Variants in MACF1 observed in about 807,000 individuals in gnomAD.
MACF1 encodes the protein microtubule-actin cross-linking factor 1.
A neutral mutation model predicts 854.8 loss-of-function variants in MACF1; 193 were observed. That is an observed-to-expected ratio of 0.23 (90% CI 0.20 to 0.25). The LOEUF is 0.25. Among genes scored for constraint, MACF1 ranks in the 10% least tolerant of loss-of-function variants. The probability of loss-of-function intolerance (pLI) is 1.00; values close to 1 mark genes in which losing one functional copy is unlikely to be tolerated. For missense variants in MACF1, 7,722 were observed against 8,929.1 expected (o/e 0.86, Z 5.45); for synonymous variants, 3,185 against 3,226.7 (o/e 0.99, Z 0.44).
intron 2 of MACF1, among the ~76,000 whole-genome samples, chr1:39,123,652 A>C (rs11583376): frequency 1.4e-5 from 2 of 142,032 alleles, no homozygotes; most frequent in African/African-American, 2.6e-5. Flanking sequence ...TGATCCTCCC[A>C]CCTCAGCCTC....
At chr1:39,161,095 G>GGGT (rs1192590106) in intron 2 of MACF1, among the ~76,000 whole-genome samples, 1 of 152,082 alleles carries the variant, frequency 6.6e-6, no homozygotes, top group Non-Finnish European at 1.5e-5. Context: ...TCCAGAATTG[G>GGGT]GGTGCAATAT....
In MACF1 at chr1:39,385,949, A is replaced by G; in HGVS notation, c.14344+20A>G. On this transcript the variant is annotated intron_variant, in intron 57 of 100. Coordinates refer to ENST00000564288, the MANE Select transcript of MACF1 (RefSeq NM_001394062.1). ...TTGCAGGTAAGTTGGGGTGAAGAAC[A>G]TACTTCTGCCATTATTAGAGGCAAG... 6.3e-7 allele frequency: 1 copy of G among 1,585,746 alleles called. No homozygotes were observed. The highest frequency in any genetic ancestry group is 2.2e-5 in the East Asian group (1 of 44,510).
At chr1:39,458,333 A>G (rs746885060) in intron 89 of MACF1, 37 bp from the exon 90 acceptor site, 2 of 1,604,508 alleles carry the variant, frequency 1.2e-6, no homozygotes, top group East Asian at 2.2e-5. Flanking sequence ...TAAAAATACA[A>G]TATTTAACTC....
chr1:39,130,509 G>A lies in MACF1; in HGVS notation c.220+46071G>A, dbSNP rs183453743. ...ATGTCCCATTCTCTGGCTCTGGGAA[G>A]TACTGACAGTAGGGAAAAGTTAGTA... On this transcript the variant is annotated intron_variant, in intron 2 of 93. Transcript: ENST00000361689. 3.7e-4 allele frequency among the ~76,000 whole-genome samples: 57 copies of A among 152,300 alleles called. No individual in the cohort carries two copies. In the East Asian group the frequency reaches 6.6e-3, roughly 18 times the overall value.
chr1:39,131,543 CTG>C (rs945273060), intron 2 of MACF1, among the ~76,000 whole-genome samples: 4 of 152,058 alleles, frequency 2.6e-5, no homozygotes, highest in African/African-American at 9.7e-5. Flanking sequence ...CTCCATAAGA[CTG>C]TGAGCACCTT....
At chr1:39,219,373 G>A (rs187957970) in intron 1 of MACF1, among the ~76,000 whole-genome samples, 26 of 152,298 alleles carry the variant, frequency 1.7e-4, no homozygotes, top group African/African-American at 6.0e-4. Flanking sequence ...TTACTAACAA[G>A]TCTTTCTGAG....
At chr1:39,219,751 G>A (rs1418776778) in intron 1 of MACF1, among the ~76,000 whole-genome samples, 1 of 152,174 alleles carries the variant, frequency 6.6e-6, no homozygotes, top group East Asian at 1.9e-4. Context: ...GCTCCCTGCT[G>A]AAAAGCAGTC....
In MACF1 at chr1:39,353,058, C is replaced by T. The variant is rs1284424952; in HGVS notation, c.11251C>T (p.Leu3751=). The T allele has an allele frequency of 1.9e-6, 3 of 1,614,002 alleles. No homozygotes were observed. Among genetic ancestry groups the T allele is most frequent in the Non-Finnish European group, 2.5e-6 (3 of 1,180,032 alleles). The change falls in exon 44 of 101, where the codon CTG becomes TTG. Residue 3751 remains leucine, a synonymous_variant. Coordinates refer to ENST00000564288, the MANE Select transcript of MACF1 (RefSeq NM_001394062.1). Reference sequence around the variant, plus strand: ...GAACAAGAAGAAGATCGATGCTCTCCTGGATTGGGTAACTTCAGTAGGATC... The same window carrying T: ...GAACAAGAAGAAGATCGATGCTCTCTTGGATTGGGTAACTTCAGTAGGATC... ...AENKKKIDAL[L]DWVTSVGSSG... is the part of the protein sequence containing the mutation.
intron 25 of MACF1, 141 bp downstream of exon 25, chr1:39,310,569 A>C: frequency 1.1e-6 from 1 of 941,782 alleles, no homozygotes; most frequent in Non-Finnish European, 1.5e-6. Flanking sequence ...ATAGAGAAGA[A>C]CTTATAGATG....
intron 2 of MACF1, among the ~76,000 whole-genome samples, chr1:39,128,327 T>C (rs77853107): frequency 0.051 from 7,799 of 152,214 alleles, 284 homozygotes; most frequent in Middle Eastern, 0.095. Context: ...TCTTAAGCAG[T>C]GCCCCCTGAG....
At chr1:39,474,358 C>T (rs12057191) in intron 97 of MACF1, among the ~76,000 whole-genome samples, 5,653 of 151,892 alleles carry the variant, frequency 0.037, 339 homozygotes, top group African/African-American at 0.13. Flanking sequence ...CACTGCACTC[C>T]GTCCTAGGCA....
In MACF1 at chr1:39,254,341, T is replaced by C; in HGVS notation, c.401T>C (p.Val134Ala). 6.2e-7 allele frequency: 1 copy of C among 1,614,208 alleles called. No individual in the cohort carries two copies. Among genetic ancestry groups the C allele is most frequent in the Non-Finnish European group, 8.5e-7 (1 of 1,180,032 alleles). Residue 134 changes from valine to alanine, a missense_variant, in exon 5 of 101, where the codon GTG (valine) becomes GCG (alanine). Around this residue, in one of 15 missense-constraint regions of MACF1, gnomAD observed 108 missense variants for 196.4 expected, o/e 0.55. Coordinates refer to ENST00000564288, the MANE Select transcript of MACF1 (RefSeq NM_001394062.1). ...ATGCGTTTTCATAGGCTGCAGAATG[T>C]GCAGATTGCCCTGGACTTCCTAAAG... is the stretch of plus-strand genomic sequence containing the variant. ...GRMRFHRLQNVQIALDFLKQR... is the reference protein window; with the variant it reads ...GRMRFHRLQNAQIALDFLKQR...
Position 39,283,135 on chromosome 1 carries a change from T to A in MACF1, c.696-54T>A. 2 of 1,105,782 alleles carry A rather than the reference T, an allele frequency of 1.8e-6. No homozygotes were observed. The highest frequency in any genetic ancestry group is 2.8e-6 in the Non-Finnish European group (2 of 725,820). The allele number at this position is 1,105,782 out of a possible 1,614,324, so 68.5% of individuals were successfully genotyped here. Reference sequence around the variant, plus strand: ...TTCAGGAGGTTTTCTTTGTGTAAACTCATGTGTGATGTGTAGATGGTGGCG... The same window carrying A: ...TTCAGGAGGTTTTCTTTGTGTAAACACATGTGTGATGTGTAGATGGTGGCG... On this transcript the variant is annotated intron_variant, in intron 7 of 100. Transcript: ENST00000564288. The surrounding 1 kb of genome is among the most constrained non-coding windows in gnomAD (Gnocchi z 4.5).
In MACF1 at chr1:39,447,458, G is replaced by C. The variant is rs759151169; in HGVS notation, c.19632G>C (p.Leu6544Phe). The change falls in exon 81 of 101, where the codon TTG becomes TTC. Residue 6544 changes from leucine (L) to phenylalanine (F), a missense_variant. This residue lies in a region of MACF1 where 729 missense variants were observed against 900.5 expected (regional missense o/e 0.81). Coordinates refer to ENST00000564288, the MANE Select transcript of MACF1 (RefSeq NM_001394062.1). ...CAAAGCTGGAAGAGGCCCTCAACTT[G>C]GCAACAGAATTCCAGAATTCCCTAC... ...RKSKLEEALNLATEFQNSLQE... is the reference protein window; with the variant it reads ...RKSKLEEALNFATEFQNSLQE... The C allele has an allele frequency of 4.3e-6, 7 of 1,613,890 alleles. No homozygotes were observed. In the South Asian group the frequency reaches 7.7e-5, roughly 18 times the overall value.
chr1:39,452,730 C>G lies in MACF1; in HGVS notation c.20660C>G (p.Ser6887Cys). The G allele has an allele frequency of 6.2e-7, 1 of 1,613,858 alleles. No individual in the cohort carries two copies. The highest frequency in any genetic ancestry group is 8.5e-7 in the Non-Finnish European group (1 of 1,180,028). The stretch of plus-strand genomic sequence containing the variant: ...GTCCACATGCTGTTGGAGTGGCTTT[C>G]TGAAGCAGAGCAAACGCTTCGCTTT... ...DTVHMLLEWL[S>C]EAEQTLRFRG... is the part of the protein sequence containing the mutation. The change falls in exon 87 of 101, where the codon TCT becomes TGT. Residue 6887 changes from serine to cysteine, a missense_variant. By Grantham distance (112) the Ser-to-Cys change is moderately radical. Coordinates refer to ENST00000564288, the MANE Select transcript of MACF1 (RefSeq NM_001394062.1).
intron 21 of MACF1, among the ~76,000 whole-genome samples, chr1:39,298,144 A>C (rs373119676): frequency 8.6e-5 from 13 of 151,790 alleles, no homozygotes; most frequent in South Asian, 2.1e-4. Flanking sequence ...CAAAAAAAAA[A>C]CCAACAACAA....
intron 6 of MACF1, chr1:39,269,243 A>G: frequency 6.2e-6 from 8 of 1,289,916 alleles, no homozygotes; most frequent in Non-Finnish European, 8.1e-6. Context: ...TGCCTTTGCA[A>G]GGAGAGACTG....
chr1:39,254,986 TGAG>T (rs1308532511), intron 5 of MACF1, among the ~76,000 whole-genome samples: 2 of 151,502 alleles, frequency 1.3e-5, no homozygotes, highest in African/African-American at 4.8e-5. Context: ...AAAATGAGCA[TGAG>T]GAGGAGTATT....
At chr1:39,423,695 T>C (rs1216425147) in intron 60 of MACF1, among the ~76,000 whole-genome samples, 1 of 152,050 alleles carries the variant, frequency 6.6e-6, no homozygotes, top group Non-Finnish European at 1.5e-5. Context: ...ACATATACGT[T>C]GTGAAATGTT....
Sources: allele counts gnomAD v4.1 joint callset (sites outside exome capture counted in the v4.1 genomes callset), GRCh38; gene constraint gnomAD v4.1.1; regional missense constraint gnomAD v4.1.1; non-coding constraint Gnocchi (gnomAD v3.1); transcripts MANE v1.5; gene names NCBI Gene and HGNC (gene_info 2026-07-23, HGNC 2026-07-21).